ZKSCAN1: variants seen among roughly 807,000 people sequenced by gnomAD.
ZKSCAN1 encodes the protein zinc finger protein with KRAB and SCAN domains 1.
In ZKSCAN1, 14 loss-of-function variants were observed where a neutral mutation model predicts 51.6. That is an observed-to-expected ratio of 0.27 (90% CI 0.18 to 0.42). The LOEUF (loss-of-function observed/expected upper bound fraction) is 0.42, where lower values mean the gene tolerates loss of function less well. Ranked by LOEUF, ZKSCAN1 falls within the 10% of genes least tolerant of loss-of-function variation. ZKSCAN1 has a pLI of 1.00. For synonymous variants in ZKSCAN1, 263 were observed against 261.5 expected, an observed-to-expected ratio of 1.01 and a Z score of -0.06; for missense variants, 531 against 710.0, an observed-to-expected ratio of 0.75 and a Z score of 2.86.
intron 1 of ZKSCAN1, among the ~76,000 whole-genome samples, chr7:100,016,098 GTCGCCAT>G (rs1468609290): frequency 1.3e-5 from 2 of 152,156 alleles, no homozygotes; most frequent in Non-Finnish European, 2.9e-5. Context: ...CTCTCCCTTA[GTCGCCAT>G]TTGCTTTGAT....
rs1275806474 is a variant in ZKSCAN1 at position 100,033,289 on chromosome 7, C to G, written c.800-16C>G. The G allele has an allele frequency of 1.3e-6, 2 of 1,575,226 alleles. No homozygotes were observed. The highest frequency in any genetic ancestry group is 1.7e-6 in the Non-Finnish European group (2 of 1,166,136). ...AAGAAAAAGGTGCGATTTGAATTTTCTATTTATTATGTCAGGTGGTGAAAA... is the reference window on the plus strand; with the variant it reads ...AAGAAAAAGGTGCGATTTGAATTTTGTATTTATTATGTCAGGTGGTGAAAA... On this transcript the variant is annotated splice_polypyrimidine_tract_variant and intron_variant, in intron 5 of 5. Coordinates refer to ENST00000324306, the MANE Select transcript of ZKSCAN1 (RefSeq NM_003439.4). This position sits in a 1 kb window ranked among gnomAD's most constrained non-coding sequence, Gnocchi z 4.1.
rs192337408 is a variant in ZKSCAN1, at chr7:100,035,917, C to T, written c.*1720C>T. 24 of 985,278 alleles carry T rather than the reference C, an allele frequency of 2.4e-5. No homozygotes were observed. Among genetic ancestry groups the T allele is most frequent in the East Asian group, 1.1e-4 (1 of 8,826 alleles). The allele number at this position is 985,278 out of a possible 1,614,324, so 61.0% of individuals were successfully genotyped here. On this transcript the variant is annotated 3_prime_UTR_variant, in exon 6 of 6. Coordinates refer to ENST00000324306, the MANE Select transcript of ZKSCAN1 (RefSeq NM_003439.4). Reference sequence around the variant, plus strand: ...CAAGGGTCCTACCCAAGGCTAGGACCGCCCTGCGGAAACAGAAACATAGAC... The same window carrying T: ...CAAGGGTCCTACCCAAGGCTAGGACTGCCCTGCGGAAACAGAAACATAGAC...
Position 100,033,979 on chromosome 7 carries a change from A to G in ZKSCAN1, c.1474A>G (p.Ser492Gly). The change falls in exon 6 of 6, where the codon AGT (serine) becomes GGT (glycine). Residue 492 changes from serine to glycine, a missense_variant. By Grantham distance (56) the Ser-to-Gly change is moderately conservative (BLOSUM62 0). Transcript: ENST00000324306. This position sits in a 1 kb window ranked among gnomAD's most constrained non-coding sequence, Gnocchi z 4.1. ...CACGGGGGAGAAACCCTATGAATGT[A>G]GTGAATGTGGAAAAGCTTTCAACCG... ...IHTGEKPYEC[S>G]ECGKAFNRNS... 6.2e-7 allele frequency: 1 copy of G among 1,614,204 alleles called. No homozygotes were observed. Among genetic ancestry groups the G allele is most frequent in the Non-Finnish European group, 8.5e-7 (1 of 1,180,036 alleles).
Position 100,040,503 on chromosome 7 carries a change from G to GCCAA in ZKSCAN1, c.*6306_*6307insCCAA. The GCCAA allele has an allele frequency of 1.0e-6, 1 of 985,448 alleles. No individual in the cohort carries two copies. Among genetic ancestry groups the GCCAA allele is most frequent in the Non-Finnish European group, 1.2e-6 (1 of 829,942 alleles). The allele number at this position is 985,448 out of a possible 1,614,324, so 61.0% of individuals were successfully genotyped here. ...GATAGAGTGAGATCTGTGAGTGATT[G>GCCAA]AAAGGTGATATTTAAAAACTTGGAT... On this transcript the variant is annotated 3_prime_UTR_variant, in exon 6 of 6. Coordinates refer to ENST00000324306, the MANE Select transcript of ZKSCAN1 (RefSeq NM_003439.4).
At chr7:100,017,429 G>C (rs1790415612) in intron 1 of ZKSCAN1, among the ~76,000 whole-genome samples, 2 of 152,164 alleles carry the variant, frequency 1.3e-5, no homozygotes, top group Non-Finnish European at 2.9e-5. Flanking sequence ...CGCCATGTTG[G>C]CCAGGCTGGT....
At chr7:100,015,991 G>A (rs796576455) in intron 1 of ZKSCAN1, among the ~76,000 whole-genome samples, 1 of 152,228 alleles carries the variant, frequency 6.6e-6, no homozygotes, top group East Asian at 1.9e-4. Context: ...CCGGGGAGAA[G>A]CCGTCTGTGG....
chr7:100,033,418 C>A lies in ZKSCAN1; in HGVS notation c.913C>A (p.Arg305Ser). 6.2e-7 allele frequency: 1 copy of A among 1,613,884 alleles called. No homozygotes were observed. The change falls in exon 6 of 6, where the codon CGT becomes AGT. Residue 305 changes from arginine to serine, a missense_variant. By Grantham distance (110) the Arg-to-Ser change is moderately radical. This residue lies in a region of ZKSCAN1 where 403 missense variants were observed against 490.5 expected (regional missense o/e 0.82). Coordinates refer to ENST00000324306, the MANE Select transcript of ZKSCAN1 (RefSeq NM_003439.4). This position sits in a 1 kb window ranked among gnomAD's most constrained non-coding sequence, Gnocchi z 4.1. ...GRSQKEFGEK[R>S]DQEGKTGERQ... ...ATCCCAGAAAGAGTTTGGAGAGAAA[C>A]GTGACCAGGAGGGCAAAACAGGAGA...
Position 100,033,249 on chromosome 7 carries a change from C to A in ZKSCAN1, c.800-56C>A. 1 of 1,517,132 alleles carries A rather than the reference C, an allele frequency of 6.6e-7. No homozygotes were observed. Among genetic ancestry groups the A allele is most frequent in the Non-Finnish European group, 8.8e-7 (1 of 1,139,966 alleles). The allele number at this position is 1,517,132 out of a possible 1,614,324, so 94.0% of individuals were successfully genotyped here. On this transcript the variant is annotated intron_variant, in intron 5 of 5. Coordinates refer to ENST00000324306, the MANE Select transcript of ZKSCAN1 (RefSeq NM_003439.4). This position sits in a 1 kb window ranked among gnomAD's most constrained non-coding sequence, Gnocchi z 4.1. The stretch of plus-strand genomic sequence containing the variant: ...CTTCTCGGGAAACTGTCGCTTGACC[C>A]ACCTGTATATTCAAAAGAAAAAGGT...
Position 100,023,672 on chromosome 7 carries a change from C to T in ZKSCAN1, c.166C>T (p.Arg56Cys), listed in dbSNP as rs760123187. 4.3e-6 allele frequency: 7 copies of T among 1,614,026 alleles called. No individual in the cohort carries two copies. Among genetic ancestry groups the T allele is most frequent in the South Asian group, 1.1e-5 (1 of 91,080 alleles). ...GCCTCCTCCAGACCCAGAGATATTC[C>T]GCCAACGCTTCAGGCGCTTCTGTTA... is the stretch of plus-strand genomic sequence containing the variant. ...DTPPPDPEIFRQRFRRFCYQN... is the reference protein window; with the variant it reads ...DTPPPDPEIFCQRFRRFCYQN... Residue 56 changes from arginine (R) to cysteine (C), a missense_variant, in exon 2 of 6, where the codon CGC becomes TGC. Transcript: ENST00000324306.
At chr7:100,032,836 G>A (rs182697854) in intron 5 of ZKSCAN1, among the ~76,000 whole-genome samples, 272 of 152,132 alleles carry the variant, frequency 1.8e-3, no homozygotes, top group African/African-American at 6.1e-3. Context: ...GTGAAACCCC[G>A]TCTACACTAA....
intron 3 of ZKSCAN1, among the ~76,000 whole-genome samples, chr7:100,028,946 C>T (rs568804203): frequency 9.1e-4 from 138 of 152,102 alleles, no homozygotes; most frequent in Middle Eastern, 3.4e-3. Context: ...GGGCAGATCA[C>T]CTGAGGTCAG....
rs1203561309 is a variant in ZKSCAN1, at chr7:100,036,253, A to G, written c.*2056A>G. ...ACGTGTTGCAAGTCAACCAGTCACT[A>G]GGATATTTCTACCCATGCAACGGAA... On this transcript the variant is annotated 3_prime_UTR_variant, in exon 6 of 6. Coordinates refer to ENST00000324306, the MANE Select transcript of ZKSCAN1 (RefSeq NM_003439.4). 8 of 985,344 alleles carry G rather than the reference A, an allele frequency of 8.1e-6. No homozygotes were observed. Among genetic ancestry groups the G allele is most frequent in the African/African-American group, 5.2e-5 (3 of 57,260 alleles). 61.0% of individuals were successfully genotyped at this position (985,344 alleles called of 1,614,324 possible).
rs1225656276 is a variant in ZKSCAN1, at chr7:100,034,508, T to C, written c.*311T>C. On this transcript the variant is annotated 3_prime_UTR_variant, in exon 6 of 6. Coordinates refer to ENST00000324306, the MANE Select transcript of ZKSCAN1 (RefSeq NM_003439.4). ...TAATGAGGATACCTTTAAGGCACTC[T>C]TGGACTCTCGGCAACCACAACATAA... 2.8e-6 allele frequency: 3 copies of C among 1,068,302 alleles called. No individual in the cohort carries two copies. The highest frequency in any genetic ancestry group is 6.5e-5 in the East Asian group (1 of 15,502). The allele number at this position is 1,068,302 out of a possible 1,614,324, so 66.2% of individuals were successfully genotyped here. A position where few individuals can be genotyped will look rare whatever the true frequency, so the allele number is the denominator to read the frequency against.
At chr7:100,024,475 T>G in intron 3 of ZKSCAN1, 168 bp downstream of exon 3, 1 of 838,890 alleles carries the variant, frequency 1.2e-6, no homozygotes, top group Non-Finnish European at 1.8e-6. Flanking sequence ...ACACCTGTGA[T>G]TCCAGCTACG....
At chr7:100,016,837 G>A (rs1584322986) in intron 1 of ZKSCAN1, 1 of 152,212 alleles carries the variant, frequency 6.6e-6, no homozygotes, top group Non-Finnish European at 1.5e-5. Context: ...AACCACATCA[G>A]CAAAGCACTG....
At position 100,034,074 on chromosome 7, in the gene ZKSCAN1, C is replaced by T. The variant is rs765551578; in HGVS notation, c.1569C>T (p.Gly523=). ...AGCCCTACAAGTGCACTAAGTGTGG[C>T]AAGGCCTTCACCCGCAGCTCCACCC... ...REKPYKCTKC[G]KAFTRSSTLT... Residue 523 remains glycine, a synonymous_variant, in exon 6 of 6, where the codon GGC becomes GGT. Coordinates refer to ENST00000324306, the MANE Select transcript of ZKSCAN1 (RefSeq NM_003439.4). 3 of 1,613,470 alleles carry T rather than the reference C, an allele frequency of 1.9e-6. No individual in the cohort carries two copies. The East Asian group carries it at 6.7e-5, about 36-fold the overall frequency.
downstream of ZKSCAN1, among the ~76,000 whole-genome samples, chr7:100,042,531 G>C (rs1235973696): frequency 1.3e-5 from 2 of 151,932 alleles, no homozygotes; most frequent in Admixed American, 1.3e-4. Context: ...CACAGGTTGT[G>C]GGCTCAGTCC....
intron 1 of ZKSCAN1, among the ~76,000 whole-genome samples, 164 bp from the exon 2 acceptor site, chr7:100,023,255 C>T (rs1324732060): frequency 6.6e-6 from 1 of 152,174 alleles, no homozygotes; most frequent in Non-Finnish European, 1.5e-5. Context: ...AGGCGATTGG[C>T]CTGCCTCGGC....
In ZKSCAN1 at chr7:100,035,261, C is replaced by T. The variant is rs1369829489; in HGVS notation, c.*1064C>T. The T allele has an allele frequency of 6.6e-6, 1 of 152,206 alleles. No individual in the cohort carries two copies. The highest frequency in any genetic ancestry group is 1.5e-5 in the Non-Finnish European group (1 of 68,038). 9.4% of individuals were successfully genotyped at this position (152,206 alleles called of 1,614,324 possible). Reference sequence around the variant, plus strand: ...CTTCGTAGCCACAAGGCATGCTAAACCTCTAGGGTCTGATGCTGTTTTTGT... The same window carrying T: ...CTTCGTAGCCACAAGGCATGCTAAATCTCTAGGGTCTGATGCTGTTTTTGT... On this transcript the variant is annotated 3_prime_UTR_variant, in exon 6 of 6. Coordinates refer to ENST00000324306, the MANE Select transcript of ZKSCAN1 (RefSeq NM_003439.4).
Sources: gnomAD v4.1 joint callset for allele counts (sites outside exome capture counted in the v4.1 genomes callset) on GRCh38, gnomAD v4.1.1 for gene constraint, gnomAD v4.1.1 regional missense constraint, Gnocchi (gnomAD v3.1) non-coding constraint, MANE v1.5 for transcripts, NCBI Gene and HGNC (gene_info 2026-07-23, HGNC 2026-07-21) for gene names.